CNTLN: variants seen among roughly 807,000 people sequenced by gnomAD.
CNTLN encodes the protein centlein, centrosomal protein.
Under a neutral mutation model 180.0 loss-of-function variants are expected in CNTLN, and 212 were observed. The ratio of observed to expected loss-of-function variants is 1.18; its 90% confidence interval spans 1.05 to 1.32. The LOEUF is 1.32. Among genes scored for constraint, CNTLN ranks in the 40% most tolerant of loss-of-function variants. The probability of loss-of-function intolerance (pLI) is 0.00; values close to 1 mark genes in which losing one functional copy is unlikely to be tolerated. For missense variants in CNTLN, 2,095 were observed against 1,610.9 expected, an observed-to-expected ratio of 1.30 and a Z score of -5.14; for synonymous variants, 722 against 563.1, an observed-to-expected ratio of 1.28 and a Z score of -3.99.
At chr9:17,469,536 C>G (rs1702043186) in intron 23 of CNTLN, among the ~76,000 whole-genome samples, 1 of 151,790 alleles carries the variant, frequency 6.6e-6, no homozygotes, top group South Asian at 2.1e-4. Flanking sequence ...GACCCACCAT[C>G]TGAAGCAGCA....
intron 5 of CNTLN, among the ~76,000 whole-genome samples, chr9:17,262,941 G>C (rs1827115560): frequency 6.6e-6 from 1 of 151,008 alleles, no homozygotes; most frequent in Non-Finnish European, 1.5e-5. Flanking sequence ...TTTATCAAAA[G>C]CTTCTCTGTG....
intron 18 of CNTLN, among the ~76,000 whole-genome samples, chr9:17,449,128 T>A (rs1322132190): frequency 6.6e-6 from 1 of 152,234 alleles, no homozygotes; most frequent in East Asian, 1.9e-4. Context: ...TGAGAAATTA[T>A]GTTGGTAGTG....
chr9:17,477,714 C>G (rs1285428100), intron 23 of CNTLN, among the ~76,000 whole-genome samples: 1 of 152,192 alleles, frequency 6.6e-6, no homozygotes, highest in Admixed American at 6.5e-5. Context: ...GAGGAGTTGC[C>G]TCTTAGGGAC....
chr9:17,424,571 T>C, intron 18 of CNTLN, among the ~76,000 whole-genome samples: 1 of 152,228 alleles, frequency 6.6e-6, no homozygotes, highest in East Asian at 1.9e-4. Flanking sequence ...GTCTGTTGAA[T>C]GTTTTATAGT....
chr9:17,390,333 G>C (rs1826013066), intron 14 of CNTLN, among the ~76,000 whole-genome samples: 1 of 133,070 alleles, frequency 7.5e-6, no homozygotes, highest in African/African-American at 2.8e-5. Flanking sequence ...CCGCCTCCCA[G>C]GTTCAAGCGA....
intron 7 of CNTLN, among the ~76,000 whole-genome samples, chr9:17,302,399 A>G (rs529745216): frequency 1.3e-4 from 20 of 152,040 alleles, no homozygotes; most frequent in Non-Finnish European, 2.4e-4. Flanking sequence ...GAGTTTCACC[A>G]TGTTGACTAG....
chr9:17,501,860 C>A (rs1034650380), intron 25 of CNTLN, among the ~76,000 whole-genome samples: 14 of 152,180 alleles, frequency 9.2e-5, no homozygotes, highest in African/African-American at 3.1e-4. Context: ...TACTTACCAC[C>A]TATAACTGTA....
chr9:17,338,637 C>G (rs1821243600), intron 10 of CNTLN, among the ~76,000 whole-genome samples: 2 of 152,054 alleles, frequency 1.3e-5, no homozygotes, highest in South Asian at 4.1e-4. Flanking sequence ...GTTTTGCTAA[C>G]TTAAATTATT....
chr9:17,354,933 C>T (rs536215679), intron 12 of CNTLN, among the ~76,000 whole-genome samples: 3 of 152,058 alleles, frequency 2.0e-5, no homozygotes, highest in East Asian at 1.9e-4. Flanking sequence ...ACGAGCCCAC[C>T]GGGAGGAAGG....
intron 7 of CNTLN, among the ~76,000 whole-genome samples, chr9:17,303,218 G>A (rs1182573419): frequency 1.3e-5 from 2 of 152,294 alleles, no homozygotes; most frequent in African/African-American, 4.8e-5. Flanking sequence ...GTATAGTTCA[G>A]TTTTAAATGG....
intron 8 of CNTLN, among the ~76,000 whole-genome samples, chr9:17,330,426 G>A (rs1820566287): frequency 6.6e-6 from 1 of 151,758 alleles, no homozygotes; most frequent in South Asian, 2.1e-4. Context: ...GAAAATACTT[G>A]CATATAGACT....
chr9:17,290,508 A>T (rs1370633890), intron 6 of CNTLN, among the ~76,000 whole-genome samples: 1 of 145,646 alleles, frequency 6.9e-6, no homozygotes, highest in African/African-American at 2.5e-5. Flanking sequence ...AGAGGCAGGC[A>T]GGCCTCCTTG....
chr9:17,143,379 G>T lies in CNTLN; in HGVS notation c.449+3G>T. On this transcript the variant is annotated splice_donor_region_variant and intron_variant, in intron 2 of 25. Coordinates refer to ENST00000380647, the MANE Select transcript of CNTLN (RefSeq NM_017738.4). Reference sequence around the variant, plus strand: ...GTGGTCAGTTTGGTTGTGGAAAGGTGAGCTCTCAAATTATTTTTTCATGAG... The same window carrying T: ...GTGGTCAGTTTGGTTGTGGAAAGGTTAGCTCTCAAATTATTTTTTCATGAG... 6.2e-7 allele frequency: 1 copy of T among 1,610,296 alleles called. No homozygotes were observed. Among genetic ancestry groups the T allele is most frequent in the South Asian group, 1.1e-5 (1 of 90,692 alleles).
intron 13 of CNTLN, among the ~76,000 whole-genome samples, chr9:17,367,012 A>C (rs535812467): frequency 1.3e-5 from 2 of 152,218 alleles, no homozygotes; most frequent in Non-Finnish European, 2.9e-5. Context: ...ACACAAAAAA[A>C]ACACCTACAT....
At chr9:17,151,694 T>C (rs940305261) in intron 2 of CNTLN, among the ~76,000 whole-genome samples, 1 of 152,058 alleles carries the variant, frequency 6.6e-6, no homozygotes, top group Non-Finnish European at 1.5e-5. Context: ...TAGGGAGGAG[T>C]CCCTCTTTTT....
At chr9:17,433,816 A>G (rs1460678538) in intron 18 of CNTLN, among the ~76,000 whole-genome samples, 1 of 152,052 alleles carries the variant, frequency 6.6e-6, no homozygotes, top group Non-Finnish European at 1.5e-5. Context: ...CCTGGCCTCA[A>G]GCAGTCCTCT....
At chr9:17,465,071 T>A (rs1015594508) in intron 21 of CNTLN, among the ~76,000 whole-genome samples, 4 of 150,524 alleles carry the variant, frequency 2.7e-5, no homozygotes, top group Non-Finnish European at 3.0e-5. Flanking sequence ...GCAAAGGGAG[T>A]TGTAGTTAAA....
intron 5 of CNTLN, among the ~76,000 whole-genome samples, chr9:17,270,455 A>G (rs1463870733): frequency 2.6e-5 from 4 of 152,124 alleles, no homozygotes; most frequent in Admixed American, 1.3e-4. Flanking sequence ...TATTTCTGGA[A>G]CCAAATCATC....
chr9:17,228,676 G>C (rs1321598431), intron 3 of CNTLN, among the ~76,000 whole-genome samples: 1 of 151,982 alleles, frequency 6.6e-6, no homozygotes, highest in Admixed American at 6.6e-5. Flanking sequence ...TCATACAGAC[G>C]ACTGTATACC....
Sources: allele counts gnomAD v4.1 joint callset (sites outside exome capture counted in the v4.1 genomes callset), GRCh38; gene constraint gnomAD v4.1.1; transcripts MANE v1.5; gene names NCBI Gene and HGNC (gene_info 2026-07-23, HGNC 2026-07-21).